NRG3: variants seen among roughly 807,000 people sequenced by gnomAD.
The protein encoded by NRG3 is neuregulin 3.
In NRG3, 31 loss-of-function variants were observed where a neutral mutation model predicts 66.9. The observed-to-expected ratio is 0.46, with a 90% CI of 0.35 to 0.63. The LOEUF (loss-of-function observed/expected upper bound fraction) is 0.63, where lower values mean the gene tolerates loss of function less well. Ranked by LOEUF, NRG3 falls within the 20% of genes least tolerant of loss-of-function variation. The probability of loss-of-function intolerance (pLI) is 0.00; values close to 1 mark genes in which losing one functional copy is unlikely to be tolerated. For synonymous variants in NRG3, 393 were observed against 359.4 expected (o/e 1.09, Z -1.06); for missense variants, 910 against 878.9 (o/e 1.04, Z -0.45).
At chr10:82,274,675 A>G (rs1488279257) in intron 1 of NRG3, among the ~76,000 whole-genome samples, 1 of 152,152 alleles carries the variant, frequency 6.6e-6, no homozygotes, top group Non-Finnish European at 1.5e-5. Context: ...CTGTTAGGGA[A>G]CTGTAACCAA....
intron 3 of NRG3, among the ~76,000 whole-genome samples, chr10:82,804,324 G>T (rs975003064): frequency 2.1e-4 from 32 of 152,310 alleles, no homozygotes; most frequent in African/African-American, 7.5e-4. Flanking sequence ...AGAAATTCAT[G>T]CTAATTTTGC....
intron 2 of NRG3, among the ~76,000 whole-genome samples, chr10:82,668,280 T>C (rs1234708709): frequency 6.6e-6 from 1 of 152,218 alleles, no homozygotes; most frequent in Non-Finnish European, 1.5e-5. Context: ...GCTTTCTCAG[T>C]ACTACAGAGA....
intron 1 of NRG3, among the ~76,000 whole-genome samples, chr10:81,899,468 T>C (rs1843825347): frequency 6.6e-6 from 1 of 152,226 alleles, no homozygotes; most frequent in Non-Finnish European, 1.5e-5. Flanking sequence ...ACATCCATCA[T>C]GATTCCATTT....
chr10:82,536,410 A>G (rs1280782381), intron 2 of NRG3, among the ~76,000 whole-genome samples: 1 of 152,194 alleles, frequency 6.6e-6, no homozygotes, highest in Non-Finnish European at 1.5e-5. Flanking sequence ...TTACTCGCAT[A>G]GAGTTAGGGG....
chr10:82,349,672 C>G (rs1406167486), intron 1 of NRG3, among the ~76,000 whole-genome samples: 2 of 152,032 alleles, frequency 1.3e-5, no homozygotes, highest in Admixed American at 6.5e-5. Context: ...ACCTCGCTGC[C>G]GCCTTGCAGT....
intron 1 of NRG3, among the ~76,000 whole-genome samples, chr10:82,129,859 C>G (rs999102127): frequency 3.3e-5 from 5 of 152,264 alleles, no homozygotes; most frequent in South Asian, 4.1e-4. Context: ...CCACGCCTGT[C>G]CTAGTTATTT....
chr10:81,887,798 G>T (rs1842730677), intron 1 of NRG3, among the ~76,000 whole-genome samples: 2 of 152,230 alleles, frequency 1.3e-5, no homozygotes, highest in South Asian at 4.1e-4. Flanking sequence ...ACAATTAGAA[G>T]TCAAGATGGT....
chr10:82,475,627 A>G (rs1841701633), intron 2 of NRG3, among the ~76,000 whole-genome samples: 1 of 152,164 alleles, frequency 6.6e-6, no homozygotes, highest in Non-Finnish European at 1.5e-5. Context: ...ATATTGGAAA[A>G]ATTGGATATT....
chr10:82,801,654 G>C (rs554980164), intron 3 of NRG3, among the ~76,000 whole-genome samples: 2 of 152,274 alleles, frequency 1.3e-5, no homozygotes, highest in Non-Finnish European at 2.9e-5. Flanking sequence ...AGTCCAATGT[G>C]ATAGACATAT....
At chr10:82,908,047 CT>C (rs1485647879) in intron 4 of NRG3, among the ~76,000 whole-genome samples, 4 of 152,168 alleles carry the variant, frequency 2.6e-5, no homozygotes, top group Non-Finnish European at 5.9e-5. Flanking sequence ...AAAATGGTGC[CT>C]GGTTTGGAGT....
chr10:82,755,701 G>A (rs1455352916), intron 3 of NRG3, among the ~76,000 whole-genome samples: 1 of 152,156 alleles, frequency 6.6e-6, no homozygotes, highest in Non-Finnish European at 1.5e-5. Context: ...CCATTCCACT[G>A]TAAATCAATT....
chr10:82,842,342 C>G (rs763299663), intron 3 of NRG3, among the ~76,000 whole-genome samples: 40 of 152,142 alleles, frequency 2.6e-4, no homozygotes, highest in Non-Finnish European at 5.3e-4. Context: ...CTTGGCTTAC[C>G]GAATGATCAA....
chr10:82,014,438 TG>T (rs2061703105), intron 1 of NRG3, among the ~76,000 whole-genome samples: 1 of 152,180 alleles, frequency 6.6e-6, no homozygotes, highest in African/African-American at 2.4e-5. Flanking sequence ...TTGCAGTGGT[TG>T]TAAGTGCCTC....
At chr10:82,682,946 A>ATTTT (rs71009814) in intron 2 of NRG3, among the ~76,000 whole-genome samples, 4 of 65,332 alleles carry the variant, frequency 6.1e-5, no homozygotes, top group Admixed American at 2.4e-4. Context: ...CCATGTCTTA[A>ATTTT]TTTTTTTTTT....
rs187883403 is a variant in NRG3, at chr10:82,703,220, A to G, written c.954-35357A>G. Among the ~76,000 whole-genome samples, 1,263 of 152,194 alleles carry G rather than the reference A, an allele frequency of 8.3e-3. 20 individuals carry two copies. Among genetic ancestry groups the G allele is most frequent in the South Asian group, 0.013 (64 of 4,830 alleles). On this transcript the variant is annotated intron_variant, in intron 2 of 8. Transcript: ENST00000372141. The stretch of plus-strand genomic sequence containing the variant: ...TTTTATAATAAATTAGTTGTATGAG[A>G]TATTTTTAGGGGGTTCTATGCTAAC...
Position 82,878,891 on chromosome 10 carries a change from C to G in NRG3, c.1054+13454C>G, listed in dbSNP as rs182737251. Among the ~76,000 whole-genome samples, 82 of 152,328 alleles carry G rather than the reference C, an allele frequency of 5.4e-4. 2 individuals are homozygous for G. In the East Asian group the frequency reaches 0.014, roughly 27 times the overall value. On this transcript the variant is annotated intron_variant, in intron 4 of 8. Coordinates refer to ENST00000372141, the MANE Select transcript of NRG3 (RefSeq NM_001010848.4). Reference sequence around the variant, plus strand: ...CCATGATTTGGCTCTGCCTGGCACCCTGACCACTCCTACCACGTTATTATT... The same window carrying G: ...CCATGATTTGGCTCTGCCTGGCACCGTGACCACTCCTACCACGTTATTATT...
chr10:82,194,799 A>G (rs1021271867), intron 1 of NRG3, among the ~76,000 whole-genome samples: 5 of 152,140 alleles, frequency 3.3e-5, no homozygotes, highest in African/African-American at 1.2e-4. Flanking sequence ...GTATAAGGGC[A>G]TTTCCTCTAG....
chr10:82,550,416 G>A (rs535608124), intron 2 of NRG3, among the ~76,000 whole-genome samples: 5 of 152,008 alleles, frequency 3.3e-5, no homozygotes, highest in African/African-American at 9.6e-5. Flanking sequence ...ACTTCTGCCC[G>A]GCCATTTCAC....
chr10:82,548,639 T>A (rs1013640734), intron 2 of NRG3, among the ~76,000 whole-genome samples: 2 of 150,940 alleles, frequency 1.3e-5, no homozygotes, highest in African/African-American at 4.9e-5. Flanking sequence ...CAGAACCAAA[T>A]AGATGTGTTC....
Sources: allele counts gnomAD v4.1 joint callset (sites outside exome capture counted in the v4.1 genomes callset), GRCh38; gene constraint gnomAD v4.1.1; transcripts MANE v1.5; gene names NCBI Gene and HGNC (gene_info 2026-07-23, HGNC 2026-07-21).